Variants in KLHL14 observed in about 807,000 individuals in gnomAD.
KLHL14 encodes kelch like family member 14.
Under a neutral mutation model 64.3 loss-of-function variants are expected in KLHL14, and 22 were observed. That is an observed-to-expected ratio of 0.34 (90% CI 0.24 to 0.49). KLHL14 has a LOEUF of 0.49. KLHL14 is among the 20% of genes least tolerant of loss of function. The probability of loss-of-function intolerance (pLI) is 0.99; values close to 1 mark genes in which losing one functional copy is unlikely to be tolerated. For synonymous variants in KLHL14, 322 were observed against 333.4 expected, an observed-to-expected ratio of 0.97 and a Z score of 0.37; for missense variants, 661 against 789.0, an observed-to-expected ratio of 0.84 and a Z score of 1.94.
intron 2 of KLHL14, among the ~76,000 whole-genome samples, chr18:32,752,011 C>G (rs1041888919): frequency 6.6e-6 from 1 of 152,242 alleles, no homozygotes; most frequent in East Asian, 1.9e-4. Flanking sequence ...CCTGTAATCC[C>G]AGCTACTCAG....
At chr18:32,764,193 G>A (rs1160203577) in intron 2 of KLHL14, among the ~76,000 whole-genome samples, 1 of 151,910 alleles carries the variant, frequency 6.6e-6, no homozygotes, top group Non-Finnish European at 1.5e-5. Context: ...TTTCCTACTC[G>A]AAATGATTAA....
intron 3 of KLHL14, among the ~76,000 whole-genome samples, chr18:32,705,371 A>G (rs1388145456): frequency 6.6e-6 from 1 of 152,242 alleles, no homozygotes; most frequent in Non-Finnish European, 1.5e-5. Flanking sequence ...ATGTAGCAAA[A>G]CATCACAGTG....
intron 3 of KLHL14, among the ~76,000 whole-genome samples, chr18:32,739,983 A>G (rs191061190): frequency 3.0e-4 from 45 of 152,182 alleles, no homozygotes; most frequent in Non-Finnish European, 1.5e-5. Context: ...TAGATGATTT[A>G]TAAACACAAT....
At chr18:32,731,165 C>T (rs1219184385) in intron 3 of KLHL14, among the ~76,000 whole-genome samples, 2 of 152,150 alleles carry the variant, frequency 1.3e-5, no homozygotes, top group African/African-American at 4.8e-5. Context: ...CTGGCTATTC[C>T]TAAAATGTAG....
chr18:32,693,653 A>G (rs2049923007), intron 4 of KLHL14, among the ~76,000 whole-genome samples: 1 of 152,104 alleles, frequency 6.6e-6, no homozygotes. Flanking sequence ...GGGGCTTCAT[A>G]GAGAGCCCAT....
intron 3 of KLHL14, among the ~76,000 whole-genome samples, chr18:32,697,211 C>T (rs559856304): frequency 5.3e-5 from 8 of 152,188 alleles, no homozygotes; most frequent in East Asian, 1.9e-4. Flanking sequence ...GCAGAGTACA[C>T]GTGAGGCTCA....
chr18:32,687,693 T>C lies in KLHL14; in HGVS notation c.1160-460A>G, dbSNP rs1249203987. Among the ~76,000 whole-genome samples, 3 of 152,310 alleles carry C rather than the reference T, an allele frequency of 2.0e-5. No homozygotes were observed. The East Asian group carries it at 5.8e-4, about 29-fold the overall frequency. ...CAACAAAAACTTCTTACATCTTCTTTCTTTTCAGAAAAAATTATTTTAAAA... is the reference window on the plus strand; with the variant it reads ...CAACAAAAACTTCTTACATCTTCTTCCTTTTCAGAAAAAATTATTTTAAAA... On this transcript the variant is annotated intron_variant, in intron 4 of 8. Coordinates refer to ENST00000359358, the MANE Select transcript of KLHL14 (RefSeq NM_020805.3).
chr18:32,687,365 C>T (rs1301081496), intron 4 of KLHL14, 132 bp from the exon 5 acceptor site: 2 of 716,874 alleles, frequency 2.8e-6, no homozygotes, highest in African/African-American at 1.8e-5. Context: ...ATACCTAACA[C>T]AGCACGGGCG....
Position 32,673,041 on chromosome 18 carries a change from A to G in KLHL14, c.*1616T>C, listed in dbSNP as rs1328142717. ...GTAACTTTTCTTTCTATATACTCAT[A>G]TGTTTTAAGGAAAAAGAAATGACAG... On this transcript the variant is annotated 3_prime_UTR_variant, in exon 9 of 9. Coordinates refer to ENST00000359358, the MANE Select transcript of KLHL14 (RefSeq NM_020805.3). The G allele has an allele frequency of 7.5e-6, 1 of 133,322 alleles. No individual in the cohort carries two copies. The highest frequency in any genetic ancestry group is 1.6e-5 in the Non-Finnish European group (1 of 63,528). 8.3% of individuals were successfully genotyped at this position (133,322 alleles called of 1,614,324 possible). A position where few individuals can be genotyped will look rare whatever the true frequency, so the allele number is the denominator to read the frequency against.
intron 1 of KLHL14, among the ~76,000 whole-genome samples, chr18:32,771,604 C>G (rs2050385460): frequency 6.6e-6 from 1 of 152,064 alleles, no homozygotes; most frequent in Non-Finnish European, 1.5e-5. Flanking sequence ...AGGGGCGGCA[C>G]CGAGGACTCA....
chr18:32,752,707 T>A (rs561798441), intron 2 of KLHL14, among the ~76,000 whole-genome samples: 2 of 152,302 alleles, frequency 1.3e-5, no homozygotes, highest in African/African-American at 4.8e-5. Flanking sequence ...AATATTTTAT[T>A]TAAAACTGCT....
At chr18:32,731,602 T>TG (rs754268610) in intron 3 of KLHL14, among the ~76,000 whole-genome samples, 3 of 152,136 alleles carry the variant, frequency 2.0e-5, no homozygotes, top group Non-Finnish European at 4.4e-5. Context: ...GTAACAAACC[T>TG]TCACATGTAC....
In KLHL14 at chr18:32,674,622, G is replaced by A. The variant is rs767708000; in HGVS notation, c.*35C>T. The A allele has an allele frequency of 1.3e-6, 1 of 771,112 alleles. No homozygotes were observed. The highest frequency in any genetic ancestry group is 2.4e-6 in the Non-Finnish European group (1 of 411,578). 47.8% of individuals were successfully genotyped at this position (771,112 alleles called of 1,614,324 possible). On this transcript the variant is annotated 3_prime_UTR_variant, in exon 9 of 9. Transcript: ENST00000359358. ...TGATGTCACCTGCCATTGCTTCCTAGAATGTGATACTGTTCATTCCAGAGT... is the reference window on the plus strand; with the variant it reads ...TGATGTCACCTGCCATTGCTTCCTAAAATGTGATACTGTTCATTCCAGAGT...
intron 1 of KLHL14, among the ~76,000 whole-genome samples, chr18:32,771,771 TG>T (rs2050387529): frequency 2.2e-4 from 4 of 18,280 alleles, no homozygotes; most frequent in Non-Finnish European, 4.6e-4. Context: ...AGGCAGGTGT[TG>T]GGGGAGGGGT....
chr18:32,682,557 AGG>A (rs1555660216), intron 5 of KLHL14, among the ~76,000 whole-genome samples: 1 of 152,174 alleles, frequency 6.6e-6, no homozygotes, highest in Non-Finnish European at 1.5e-5. Flanking sequence ...TGATCATCAA[AGG>A]GATTTCTGAT....
intron 7 of KLHL14, 66 bp from the exon 8 acceptor site, chr18:32,677,396 G>C: frequency 1.4e-6 from 2 of 1,431,110 alleles, no homozygotes; most frequent in South Asian, 1.4e-5. Flanking sequence ...TAAGGCTAGG[G>C]CTTCTTTTAA....
Position 32,770,372 on chromosome 18 carries a change from C to T in KLHL14, c.220G>A (p.Gly74Ser), listed in dbSNP as rs2050376095. ...SHPPLGGGVG[G>S]QDGLGAPKDQ... is the part of the protein sequence containing the mutation. Reference sequence around the variant, plus strand: ...TTGGGGGCCCCCAGGCCGTCCTGGCCGCCGACCCCTCCCCCGAGAGGGGGG... The same window carrying T: ...TTGGGGGCCCCCAGGCCGTCCTGGCTGCCGACCCCTCCCCCGAGAGGGGGG... The change falls in exon 2 of 9, where the codon GGC becomes AGC. Residue 74 changes from glycine (G) to serine (S), a missense_variant. Transcript: ENST00000359358. This position sits in a 1 kb window ranked among gnomAD's most constrained non-coding sequence, Gnocchi z 6.7. 2 of 1,588,626 alleles carry T rather than the reference C, an allele frequency of 1.3e-6. No individual in the cohort carries two copies. Among genetic ancestry groups the T allele is most frequent in the Non-Finnish European group, 8.6e-7 (1 of 1,166,832 alleles).
At chr18:32,705,720 C>CTAAA (rs894225129) in intron 3 of KLHL14, among the ~76,000 whole-genome samples, 1 of 152,084 alleles carries the variant, frequency 6.6e-6, no homozygotes, top group Non-Finnish European at 1.5e-5. Context: ...AAGACTGTCT[C>CTAAA]TAAATAAATA....
Position 32,683,184 on chromosome 18 carries a change from C to T in KLHL14, c.1239-2585G>A, listed in dbSNP as rs2049851621. The stretch of plus-strand genomic sequence containing the variant: ...CACCTGGTCAGCCTGTCAGAACCTG[C>T]TCTCTTTTCTAGCCAAGGCGTTCTT... On this transcript the variant is annotated intron_variant, in intron 5 of 8. Coordinates refer to ENST00000359358, the MANE Select transcript of KLHL14 (RefSeq NM_020805.3). This position sits in a 1 kb window ranked among gnomAD's most constrained non-coding sequence, Gnocchi z 4.2. 6.6e-6 allele frequency among the ~76,000 whole-genome samples: 1 copy of T among 152,172 alleles called. No individual in the cohort carries two copies. The highest frequency in any genetic ancestry group is 1.5e-5 in the Non-Finnish European group (1 of 68,032).
Sources: gnomAD v4.1 joint callset for allele counts (sites outside exome capture counted in the v4.1 genomes callset) on GRCh38, gnomAD v4.1.1 for gene constraint, Gnocchi (gnomAD v3.1) non-coding constraint, MANE v1.5 for transcripts, NCBI Gene and HGNC (gene_info 2026-07-23, HGNC 2026-07-21) for gene names.